Variants in DCC observed in about 807,000 individuals in gnomAD.
DCC encodes the protein netrin receptor DCC.
Under a neutral mutation model 172.5 loss-of-function variants are expected in DCC, and 58 were observed. The observed-to-expected ratio is 0.34, with a 90% CI of 0.27 to 0.42. The LOEUF (loss-of-function observed/expected upper bound fraction) is 0.42. Among genes scored for constraint, DCC ranks in the 10% least tolerant of loss-of-function variants. The pLI, the probability that DCC is intolerant of heterozygous loss-of-function variation, is 1.00. For synonymous variants in DCC, 709 were observed against 644.5 expected, an observed-to-expected ratio of 1.10 and a Z score of -1.52; for missense variants, 1,740 against 1,791.0, an observed-to-expected ratio of 0.97 and a Z score of 0.51.
intron 7 of DCC, among the ~76,000 whole-genome samples, chr18:53,128,341 T>C (rs1446941976): frequency 6.6e-6 from 1 of 152,128 alleles, no homozygotes; most frequent in Non-Finnish European, 1.5e-5. Context: ...AGATGTTGCA[T>C]AGAAAGATCA....
At chr18:52,948,881 G>A (rs2040591639) in intron 5 of DCC, among the ~76,000 whole-genome samples, 6 of 152,142 alleles carry the variant, frequency 3.9e-5, no homozygotes, top group Admixed American at 3.9e-4. Context: ...GAGCTTAAGT[G>A]TGTTGCTTGG....
rs144241810 is a variant in DCC at position 52,514,556 on chromosome 18, G to C, written c.91+173678G>C. On this transcript the variant is annotated intron_variant, in intron 1 of 28. Coordinates refer to ENST00000442544, the MANE Select transcript of DCC (RefSeq NM_005215.4). ...CAGTGGGTTAGAGACTTGGAAATGT[G>C]ATTGGTTTTATTTGTATGCATGAGA... Among the ~76,000 whole-genome samples, 517 of 152,334 alleles carry C rather than the reference G, an allele frequency of 3.4e-3. 11 individuals are homozygous for C. Among genetic ancestry groups the C allele is most frequent in the African/African-American group, 0.012 (485 of 41,576 alleles).
intron 15 of DCC, among the ~76,000 whole-genome samples, chr18:53,346,024 G>A (rs1341552867): frequency 1.3e-5 from 2 of 151,790 alleles, no homozygotes; most frequent in Non-Finnish European, 1.5e-5. Context: ...GATGACATGT[G>A]GTTCTGTTGG....
intron 20 of DCC, among the ~76,000 whole-genome samples, chr18:53,411,400 T>C (rs1266984420): frequency 6.6e-6 from 1 of 152,196 alleles, no homozygotes; most frequent in Non-Finnish European, 1.5e-5. Context: ...TTTAAAGTTG[T>C]ATATTTAAGG....
At chr18:52,835,198 A>T (rs1242861588) in intron 2 of DCC, among the ~76,000 whole-genome samples, 1 of 152,176 alleles carries the variant, frequency 6.6e-6, no homozygotes, top group African/African-American at 2.4e-5. Context: ...ATGGCCATGG[A>T]TAAACTGGTT....
chr18:53,456,675 A>C (rs1225815667), intron 23 of DCC, among the ~76,000 whole-genome samples: 1 of 152,196 alleles, frequency 6.6e-6, no homozygotes, highest in African/African-American at 2.4e-5. Context: ...TGCATTTCTA[A>C]CAAGTTCCCA....
intron 12 of DCC, among the ~76,000 whole-genome samples, chr18:53,256,082 T>A (rs1369961674): frequency 6.6e-6 from 1 of 152,220 alleles, no homozygotes; most frequent in Non-Finnish European, 1.5e-5. Flanking sequence ...CTTGTAAATT[T>A]GTTTGAGTTC....
At chr18:52,397,881 C>T (rs1038156083) in intron 1 of DCC, among the ~76,000 whole-genome samples, 8 of 151,876 alleles carry the variant, frequency 5.3e-5, no homozygotes, top group Admixed American at 5.3e-4. Flanking sequence ...TGGTGCTGGC[C>T]ACGGAATATC....
At chr18:53,501,508 A>ATTAT (rs2046097637) in intron 27 of DCC, among the ~76,000 whole-genome samples, 1 of 152,246 alleles carries the variant, frequency 6.6e-6, no homozygotes, top group Non-Finnish European at 1.5e-5. Context: ...ATAATTCTGA[A>ATTAT]TTGAAGAATA....
At chr18:53,030,724 G>A (rs1437957060) in intron 5 of DCC, among the ~76,000 whole-genome samples, 1 of 152,140 alleles carries the variant, frequency 6.6e-6, no homozygotes, top group African/African-American at 2.4e-5. Context: ...ATCCTGGTGG[G>A]AGAAATATTT....
chr18:52,796,133 C>T (rs555557892), intron 2 of DCC, among the ~76,000 whole-genome samples: 7 of 146,018 alleles, frequency 4.8e-5, no homozygotes, highest in Middle Eastern at 3.6e-3. Flanking sequence ...AAATCTATAT[C>T]GGTCTTTATA....
chr18:53,400,948 A>T (rs1250243142), intron 18 of DCC, among the ~76,000 whole-genome samples: 3 of 152,190 alleles, frequency 2.0e-5, no homozygotes, highest in Non-Finnish European at 4.4e-5. Flanking sequence ...AGTAAAAAAG[A>T]CAAAGATTTT....
chr18:52,397,125 A>C (rs369856437), intron 1 of DCC, among the ~76,000 whole-genome samples: 1 of 152,116 alleles, frequency 6.6e-6, no homozygotes, highest in East Asian at 1.9e-4. Context: ...TTCTTTTATA[A>C]ATGTTTATAG....
chr18:53,392,635 G>GTA (rs898186789), intron 17 of DCC, among the ~76,000 whole-genome samples: 1 of 152,108 alleles, frequency 6.6e-6, no homozygotes, highest in Non-Finnish European at 1.5e-5. Context: ...TATGATGTTA[G>GTA]TATATATAGA....
intron 2 of DCC, among the ~76,000 whole-genome samples, chr18:52,884,553 T>G (rs543117295): frequency 6.6e-6 from 1 of 152,212 alleles, no homozygotes; most frequent in Non-Finnish European, 1.5e-5. Flanking sequence ...TGTCTTGTTA[T>G]TTTAATCTCT....
intron 12 of DCC, among the ~76,000 whole-genome samples, chr18:53,253,083 T>C (rs530235855): frequency 1.1e-4 from 17 of 151,988 alleles, no homozygotes; most frequent in African/African-American, 3.4e-4. Context: ...ATATAACATA[T>C]AGATACATAA....
At chr18:52,361,573 A>G (rs944020958) in intron 1 of DCC, among the ~76,000 whole-genome samples, 5 of 152,148 alleles carry the variant, frequency 3.3e-5, no homozygotes, top group African/African-American at 1.2e-4. Context: ...CGCCTCCAAA[A>G]TGTTCAACTG....
At chr18:52,463,884 A>G (rs966159722) in intron 1 of DCC, among the ~76,000 whole-genome samples, 1 of 152,260 alleles carries the variant, frequency 6.6e-6, no homozygotes, top group African/African-American at 2.4e-5. Context: ...AGCTATAAAT[A>G]TGAGTCATTA....
intron 21 of DCC, among the ~76,000 whole-genome samples, chr18:53,433,558 T>A (rs537324147): frequency 1.3e-5 from 2 of 152,334 alleles, no homozygotes; most frequent in East Asian, 3.9e-4. Context: ...AAAAGTCATC[T>A]TAATATTTAT....
Sources: allele counts gnomAD v4.1 joint callset (sites outside exome capture counted in the v4.1 genomes callset), GRCh38; gene constraint gnomAD v4.1.1; transcripts MANE v1.5; gene names NCBI Gene and HGNC (gene_info 2026-07-23, HGNC 2026-07-21).